KIAA1958: variants seen among roughly 807,000 people sequenced by gnomAD.
KIAA1958 encodes uncharacterized protein KIAA1958.
KIAA1958 carries 14 observed loss-of-function variants against 47.2 expected under a neutral mutation model. The observed-to-expected ratio is 0.30, with a 90% CI of 0.20 to 0.46. The LOEUF (loss-of-function observed/expected upper bound fraction) is 0.46. Among genes scored for constraint, KIAA1958 ranks in the 20% least tolerant of loss-of-function variants. KIAA1958 has a pLI of 1.00. For synonymous variants in KIAA1958, 354 were observed against 353.3 expected, an observed-to-expected ratio of 1.00 and a Z score of -0.02; for missense variants, 803 against 909.2, an observed-to-expected ratio of 0.88 and a Z score of 1.50.
chr9:112,629,173 A>G (rs963340983), intron 2 of KIAA1958, among the ~76,000 whole-genome samples: 9 of 152,118 alleles, frequency 5.9e-5, no homozygotes, highest in African/African-American at 1.9e-4. Context: ...TTTAGTCACT[A>G]TAATTTAAGG....
chr9:112,510,569 C>T (rs1239038729), intron 1 of KIAA1958, among the ~76,000 whole-genome samples: 3 of 152,200 alleles, frequency 2.0e-5, no homozygotes, highest in Non-Finnish European at 4.4e-5. Context: ...TTACGGGTTT[C>T]TCAGATAAAT....
At chr9:112,584,045 A>C (rs1669948296) in intron 2 of KIAA1958, among the ~76,000 whole-genome samples, 1 of 152,066 alleles carries the variant, frequency 6.6e-6, no homozygotes, top group Admixed American at 6.5e-5. Flanking sequence ...CAGCCTGAAC[A>C]ACAGCAAGAC....
chr9:112,630,212 G>T (rs976143491), intron 2 of KIAA1958, among the ~76,000 whole-genome samples: 2 of 152,194 alleles, frequency 1.3e-5, no homozygotes, highest in African/African-American at 4.8e-5. Flanking sequence ...GGAGCCCCAA[G>T]CCTGAAAATC....
At chr9:112,613,389 T>C (rs1345539344) in intron 2 of KIAA1958, among the ~76,000 whole-genome samples, 1 of 152,126 alleles carries the variant, frequency 6.6e-6, no homozygotes, top group Admixed American at 6.6e-5. Context: ...ACAGTAAAGC[T>C]TTTGGAAGAA....
intron 1 of KIAA1958, among the ~76,000 whole-genome samples, chr9:112,554,650 A>G (rs996971845): frequency 6.6e-6 from 1 of 152,180 alleles, no homozygotes; most frequent in Admixed American, 6.5e-5. Flanking sequence ...CTAGATAAAA[A>G]CACAGATTCC....
intron 1 of KIAA1958, among the ~76,000 whole-genome samples, chr9:112,494,914 G>T (rs932157688): frequency 2.6e-5 from 4 of 151,734 alleles, no homozygotes; most frequent in Non-Finnish European, 5.9e-5. Context: ...TTCAATTTCT[G>T]ATGTATGCTG....
chr9:112,575,267 C>T lies in KIAA1958; in HGVS notation c.1171+16C>T, dbSNP rs186050674. 30 of 1,479,718 alleles carry T rather than the reference C, an allele frequency of 2.0e-5. No homozygotes were observed. The highest frequency in any genetic ancestry group is 1.3e-4 in the African/African-American group (9 of 71,608). The allele number at this position is 1,479,718 out of a possible 1,614,324, so 91.7% of individuals were successfully genotyped here. A position where few individuals can be genotyped will look rare whatever the true frequency, so the allele number is the denominator to read the frequency against. On this transcript the variant is annotated intron_variant, in intron 2 of 3. Coordinates refer to ENST00000337530, the MANE Select transcript of KIAA1958 (RefSeq NM_133465.4). ...TGCATACCAGGTATGGCACATGAGG[C>T]GACAGTGAGTCCCTCATCCACGCAC... is the stretch of plus-strand genomic sequence containing the variant.
chr9:112,532,493 T>C (rs1405796756), intron 1 of KIAA1958, among the ~76,000 whole-genome samples: 1 of 152,180 alleles, frequency 6.6e-6, no homozygotes, highest in Non-Finnish European at 1.5e-5. Flanking sequence ...CTAGGAAATA[T>C]CATTGCATGC....
intron 1 of KIAA1958, among the ~76,000 whole-genome samples, chr9:112,562,299 CATTTTACAGATA>C (rs1478318069): frequency 9.2e-5 from 14 of 152,138 alleles, no homozygotes. Flanking sequence ...GTATTCTTAT[CATTTTACAGATA>C]AGGAAACTAA....
At chr9:112,646,814 G>GA (rs1422659572) in intron 3 of KIAA1958, among the ~76,000 whole-genome samples, 2 of 152,128 alleles carry the variant, frequency 1.3e-5, no homozygotes, top group Non-Finnish European at 2.9e-5. Flanking sequence ...TAAATCGAAG[G>GA]AAAAAATCTT....
intron 1 of KIAA1958, among the ~76,000 whole-genome samples, chr9:112,497,674 T>A (rs576303448): frequency 3.6e-4 from 54 of 151,674 alleles, no homozygotes; most frequent in African/African-American, 1.3e-3. Flanking sequence ...TCAATACAGT[T>A]TTTTTTTTAA....
chr9:112,636,271 C>T (rs930623546), intron 2 of KIAA1958, among the ~76,000 whole-genome samples: 2 of 151,588 alleles, frequency 1.3e-5, no homozygotes, highest in African/African-American at 4.8e-5. Flanking sequence ...ATTATTTAAT[C>T]CTTTGAAAAG....
chr9:112,649,364 C>A (rs371094950), intron 3 of KIAA1958, among the ~76,000 whole-genome samples: 4 of 151,376 alleles, frequency 2.6e-5, no homozygotes, highest in African/African-American at 9.7e-5. Flanking sequence ...CTCTGTGTTG[C>A]CCAGACTAAT....
At chr9:112,527,557 G>A (rs1333637740) in intron 1 of KIAA1958, among the ~76,000 whole-genome samples, 2 of 152,160 alleles carry the variant, frequency 1.3e-5, no homozygotes, top group Non-Finnish European at 1.5e-5. Context: ...TTTAAACTGG[G>A]AATAGGATGA....
At chr9:112,553,599 G>A (rs117777213) in intron 1 of KIAA1958, among the ~76,000 whole-genome samples, 2,291 of 152,294 alleles carry the variant, frequency 0.015, 35 homozygotes, top group South Asian at 0.034. Flanking sequence ...TATTTCTGAT[G>A]TGCTTAGAAT....
chr9:112,604,524 A>C (rs1836190169), intron 2 of KIAA1958, among the ~76,000 whole-genome samples: 1 of 152,216 alleles, frequency 6.6e-6, no homozygotes, highest in South Asian at 2.1e-4. Flanking sequence ...AACTAAGGTC[A>C]CCTATACCTT....
At position 112,512,371 on chromosome 9, in the gene KIAA1958, A is replaced by G. The variant is rs534658926; in HGVS notation, c.-25+25253A>G. 7.2e-5 allele frequency among the ~76,000 whole-genome samples: 11 copies of G among 152,314 alleles called. No homozygotes were observed. The South Asian group carries it at 1.7e-3, about 23-fold the overall frequency. ...AAAACTCAGGAAAACAGTTTATTAT[A>G]TTAACAGGCTAAAAAAGAAAACCAT... On this transcript the variant is annotated intron_variant, in intron 1 of 3. Transcript: ENST00000337530.
At chr9:112,617,917 A>G in intron 2 of KIAA1958, 2 of 1,550,560 alleles carry the variant, frequency 1.3e-6, no homozygotes, top group Non-Finnish European at 8.7e-7. Flanking sequence ...AGAACGAGAA[A>G]ACCATCCGGA....
intron 1 of KIAA1958, among the ~76,000 whole-genome samples, chr9:112,504,750 A>G (rs1834204870): frequency 1.3e-5 from 2 of 152,188 alleles, no homozygotes; most frequent in African/African-American, 4.8e-5. Flanking sequence ...ACTATAGCAA[A>G]TATGATGCCA....
Sources: allele counts gnomAD v4.1 joint callset (sites outside exome capture counted in the v4.1 genomes callset), GRCh38; gene constraint gnomAD v4.1.1; transcripts MANE v1.5; gene names NCBI Gene and HGNC (gene_info 2026-07-23, HGNC 2026-07-21).